The following RBPMS variants were observed in gnomAD, a reference collection of about 807,000 sequenced individuals.
RBPMS encodes the protein RNA-binding protein with multiple splicing.
RBPMS carries 7 observed loss-of-function variants against 26.8 expected under a neutral mutation model. The ratio of observed to expected loss-of-function variants is 0.26; its 90% CI spans 0.15 to 0.49. RBPMS has a LOEUF of 0.49. Among genes scored for constraint, RBPMS ranks in the 20% least tolerant of loss-of-function variants. The pLI is 0.98. For synonymous variants in RBPMS, 96 were observed against 93.3 expected (o/e 1.03, Z -0.17); for missense variants, 186 against 250.0 (o/e 0.74, Z 1.73).
intron 1 of RBPMS, among the ~76,000 whole-genome samples, chr8:30,431,365 TTCTTTCTCTC>T (rs1039149114): frequency 1.2e-4 from 18 of 151,146 alleles, no homozygotes; most frequent in Middle Eastern, 3.4e-3. Flanking sequence ...TTCTCTTTCT[TTCTTTCTCTC>T]TCTTTCTTTC....
At chr8:30,518,687 C>CTGTTTTTTTTTTTTTT (rs1822627032) in intron 5 of RBPMS, among the ~76,000 whole-genome samples, 2 of 18,236 alleles carry the variant, frequency 1.1e-4, no homozygotes, top group Non-Finnish European at 2.0e-4. Flanking sequence ...CCAAGCATGA[C>CTGTTTTTTTTTTTTTT]TTTTTTTTTT....
At chr8:30,436,597 G>T (rs933864901) in intron 1 of RBPMS, among the ~76,000 whole-genome samples, 1 of 152,102 alleles carries the variant, frequency 6.6e-6, no homozygotes, top group African/African-American at 2.4e-5. Context: ...CAAGAACAGG[G>T]GAGGACTATC....
chr8:30,389,006 T>C (rs1266735779), intron 1 of RBPMS, among the ~76,000 whole-genome samples: 1 of 152,220 alleles, frequency 6.6e-6, no homozygotes, highest in Non-Finnish European at 1.5e-5. Flanking sequence ...ATATTGGGGT[T>C]GTAAAGAAAA....
intron 5 of RBPMS, among the ~76,000 whole-genome samples, chr8:30,506,632 G>T (rs868216763): frequency 6.6e-6 from 1 of 152,194 alleles, no homozygotes; most frequent in Non-Finnish European, 1.5e-5. Flanking sequence ...ACTCAAGGTG[G>T]TCAGTTTAAC....
chr8:30,547,273 G>A, intron 6 of RBPMS: 1 of 1,506,306 alleles, frequency 6.6e-7, no homozygotes, highest in Non-Finnish European at 9.2e-7. Flanking sequence ...TTGAGACATG[G>A]ATTTTTTTTT....
chr8:30,440,570 G>T (rs2150704712), intron 1 of RBPMS, among the ~76,000 whole-genome samples: 1 of 152,254 alleles, frequency 6.6e-6, no homozygotes, highest in South Asian at 2.1e-4. Context: ...TCTGTCAAAT[G>T]GATGTTTGGG....
At chr8:30,557,949 C>G (rs1041478559) in intron 6 of RBPMS, among the ~76,000 whole-genome samples, 5 of 152,166 alleles carry the variant, frequency 3.3e-5, no homozygotes, top group African/African-American at 1.2e-4. Flanking sequence ...ACAGCAACCT[C>G]CCCCCTCCTG....
chr8:30,386,798 T>C (rs1361953865), intron 1 of RBPMS, among the ~76,000 whole-genome samples: 1 of 152,262 alleles, frequency 6.6e-6, no homozygotes, highest in Non-Finnish European at 1.5e-5. Flanking sequence ...ATCTGTTTGC[T>C]TCTCAGGGTT....
At chr8:30,518,963 G>T (rs1472399768) in intron 5 of RBPMS, among the ~76,000 whole-genome samples, 1 of 151,854 alleles carries the variant, frequency 6.6e-6, no homozygotes, top group Non-Finnish European at 1.5e-5. Context: ...AGTTGGAAAG[G>T]AAAAATTTTA....
chr8:30,569,978 C>G (rs956864622), intron 8 of RBPMS, among the ~76,000 whole-genome samples: 2 of 152,222 alleles, frequency 1.3e-5, no homozygotes, highest in South Asian at 4.1e-4. Flanking sequence ...CTTGCCCCTG[C>G]TCCGCCGGCC....
intron 6 of RBPMS, chr8:30,556,450 C>G (rs1826925811): frequency 2.0e-6 from 2 of 985,814 alleles, no homozygotes; most frequent in Admixed American, 6.1e-5. Context: ...TCGCAGTCAC[C>G]TGCACCGAAA....
chr8:30,424,592 CCT>C (rs1257192466), intron 1 of RBPMS, among the ~76,000 whole-genome samples: 3 of 152,180 alleles, frequency 2.0e-5, no homozygotes, highest in Non-Finnish European at 4.4e-5. Flanking sequence ...TGATCTTTAA[CCT>C]CTCTAGATCT....
intron 1 of RBPMS, among the ~76,000 whole-genome samples, chr8:30,420,892 A>G (rs149937559): frequency 3.3e-5 from 5 of 152,332 alleles, no homozygotes; most frequent in African/African-American, 7.2e-5. Context: ...TCCGGGGTCT[A>G]TCTAGGAACA....
intron 1 of RBPMS, among the ~76,000 whole-genome samples, chr8:30,419,972 C>T (rs1243049811): frequency 2.0e-5 from 3 of 152,098 alleles, no homozygotes; most frequent in African/African-American, 7.2e-5. Flanking sequence ...TGTGTGTAAT[C>T]CCAGCACTTT....
intron 5 of RBPMS, among the ~76,000 whole-genome samples, chr8:30,505,700 C>T (rs908020389): frequency 3.9e-5 from 6 of 152,226 alleles, no homozygotes; most frequent in African/African-American, 1.4e-4. Context: ...CATAATTCTT[C>T]ATCCTTATAG....
intron 1 of RBPMS, among the ~76,000 whole-genome samples, chr8:30,427,682 C>T (rs898697391): frequency 3.9e-5 from 6 of 152,292 alleles, no homozygotes; most frequent in Non-Finnish European, 8.8e-5. Context: ...AAGTGCTTGT[C>T]TTAATCGTCT....
At chr8:30,478,129 A>C (rs1232192818) in intron 3 of RBPMS, among the ~76,000 whole-genome samples, 1 of 152,194 alleles carries the variant, frequency 6.6e-6, no homozygotes, top group African/African-American at 2.4e-5. Flanking sequence ...TTTTATTCCC[A>C]AGTCTTTCCC....
intron 4 of RBPMS, among the ~76,000 whole-genome samples, chr8:30,503,511 G>A (rs1245910861): frequency 1.3e-5 from 2 of 151,118 alleles, no homozygotes; most frequent in East Asian, 1.9e-4. Flanking sequence ...CACTCGCCTC[G>A]GCCTCCCAAA....
intron 1 of RBPMS, among the ~76,000 whole-genome samples, chr8:30,410,398 T>C (rs1456395303): frequency 6.6e-6 from 1 of 151,070 alleles, no homozygotes; most frequent in Non-Finnish European, 1.5e-5. Flanking sequence ...TTAGTAGAGA[T>C]GGGGTTTCAC....
Sources: gnomAD v4.1 joint callset for allele counts (sites outside exome capture counted in the v4.1 genomes callset) on GRCh38, gnomAD v4.1.1 for gene constraint, MANE v1.5 for transcripts, NCBI Gene and HGNC (gene_info 2026-07-23, HGNC 2026-07-21) for gene names.